The following TMEM74 variants were observed in gnomAD, a reference collection of about 807,000 sequenced individuals.
TMEM74 encodes transmembrane protein 74.
A neutral mutation model predicts 18.1 loss-of-function variants in TMEM74; 13 were observed. That is an observed-to-expected ratio of 0.72 (90% CI 0.47 to 1.14). The LOEUF is 1.14. TMEM74 is among the 50% of genes most tolerant of loss of function. The probability of loss-of-function intolerance (pLI) is 0.00; values close to 1 mark genes in which losing one functional copy is unlikely to be tolerated. For synonymous variants in TMEM74, 159 were observed against 146.6 expected (o/e 1.08, Z -0.61); for missense variants, 372 against 375.9 (o/e 0.99, Z 0.09).
intron 1 of TMEM74, among the ~76,000 whole-genome samples, chr8:108,763,428 CGT>C (rs754890454): frequency 2.6e-5 from 4 of 151,930 alleles, no homozygotes; most frequent in Non-Finnish European, 5.9e-5. Context: ...GCATAGTACT[CGT>C]ATGTTTAAAA....
rs114952195 is a variant in TMEM74 at position 108,647,812 on chromosome 8, G to A, written n.264+7481C>T. On this transcript the variant is annotated intron_variant and non_coding_transcript_variant, in intron 2 of 3. Coordinates refer to the TMEM74 transcript ENST00000518838. ...TAAACAGGTGATTTCAATATAGAGC[G>A]CTAAGTGCTATATTAGGGGTAAGTA... is the stretch of plus-strand genomic sequence containing the variant. 6.6e-3 allele frequency among the ~76,000 whole-genome samples: 999 copies of A among 152,158 alleles called. 14 individuals are homozygous for A. Among genetic ancestry groups the A allele is most frequent in the African/African-American group, 0.022 (899 of 41,528 alleles).
rs113329702 is a variant in TMEM74, at chr8:108,759,541, T to C, written n.119+27935A>G. On this transcript the variant is annotated intron_variant and non_coding_transcript_variant, in intron 1 of 3. Transcript: ENST00000518838. ...ATGTCCATAAAGTGAATATGCAAAA[T>C]GAATGGGGTAGCTCTCTAATGGCTG... is the stretch of plus-strand genomic sequence containing the variant. 6.6e-3 allele frequency among the ~76,000 whole-genome samples: 1,002 copies of C among 152,076 alleles called. 7 individuals carry two copies. The highest frequency in any genetic ancestry group is 0.023 in the African/African-American group (952 of 41,534).
intron 1 of TMEM74, among the ~76,000 whole-genome samples, chr8:108,727,299 GAC>G (rs1813648673): frequency 6.6e-6 from 1 of 152,250 alleles, no homozygotes; most frequent in South Asian, 2.1e-4. Context: ...TAATTGCAAA[GAC>G]AGAAAACAGG....
intron 1 of TMEM74, among the ~76,000 whole-genome samples, chr8:108,683,185 T>C (rs1014974610): frequency 1.3e-5 from 2 of 151,926 alleles, no homozygotes; most frequent in East Asian, 3.9e-4. Context: ...CTCAAAATGA[T>C]TTATAAGCCA....
chr8:108,671,717 C>A (rs1810840040), intron 1 of TMEM74, among the ~76,000 whole-genome samples: 1 of 151,780 alleles, frequency 6.6e-6, no homozygotes, highest in Non-Finnish European at 1.5e-5. Flanking sequence ...TCAGGGACCA[C>A]AAATGGAGGG....
intron 1 of TMEM74, among the ~76,000 whole-genome samples, 161 bp downstream of exon 1, chr8:108,787,315 T>C (rs926486139): frequency 1.3e-5 from 2 of 152,114 alleles, no homozygotes; most frequent in Admixed American, 6.5e-5. Flanking sequence ...CCATTTCTGG[T>C]GAACTCTGCG....
At chr8:108,719,879 G>C (rs1180382097) in intron 1 of TMEM74, among the ~76,000 whole-genome samples, 1 of 152,066 alleles carries the variant, frequency 6.6e-6, no homozygotes, top group African/African-American at 2.4e-5. Flanking sequence ...CACTTTATAT[G>C]TGTAAACACT....
At chr8:108,639,590 AT>A (rs1812642505) in intron 2 of TMEM74, among the ~76,000 whole-genome samples, 1 of 152,134 alleles carries the variant, frequency 6.6e-6, no homozygotes, top group African/African-American at 2.4e-5. Context: ...TGATTAGTTA[AT>A]TTTACATGGG....
At position 108,688,141 on chromosome 8, in the gene TMEM74, C is replaced by T. The variant is rs552943284; in HGVS notation, n.120-32704G>A. 2.7e-3 allele frequency among the ~76,000 whole-genome samples: 407 copies of T among 152,212 alleles called. 3 individuals carry two copies. Among genetic ancestry groups the T allele is most frequent in the Non-Finnish European group, 4.7e-3 (319 of 68,022 alleles). On this transcript the variant is annotated intron_variant and non_coding_transcript_variant, in intron 1 of 3. Coordinates refer to the TMEM74 transcript ENST00000518838. ...TCAGTTTAGCAAAACTTAAAGAGAT[C>T]GATAATGGCCAATGCTGACTGGTAT...
rs749334397 is a variant in TMEM74, at chr8:108,784,471, CCA to C, written c.626_627del (p.Val209GlyfsTer79). 1 of 1,614,146 alleles carries C rather than the reference CCA, an allele frequency of 6.2e-7. No individual in the cohort carries two copies. The highest frequency in any genetic ancestry group is 1.1e-5 in the South Asian group (1 of 91,082). On this transcript the variant is annotated frameshift_variant, in exon 2 of 2. Coordinates refer to ENST00000297459, the MANE Select transcript of TMEM74 (RefSeq NM_153015.3). LOFTEE classifies it high-confidence loss of function. ...TCCAGGCGCTCCATCTCCCGGGCTG[CCA>C]CAGTGTTGGGGTCCACAGTCACTTC... is the stretch of plus-strand genomic sequence containing the variant. ...PREVTVDPNT[V>X]AAREMERLEK...
chr8:108,755,843 A>T (rs74503119), intron 1 of TMEM74, among the ~76,000 whole-genome samples: 8,639 of 152,148 alleles, frequency 0.057, 334 homozygotes, highest in East Asian at 0.13. Flanking sequence ...TGCCATATTA[A>T]AATTAACTTA....
Position 108,722,427 on chromosome 8 carries a change from A to G in TMEM74, n.119+65049T>C, listed in dbSNP as rs7846249. ...GAACAACTTGAAGACAGGAATGTTAAGACTGAACACTGACCAAAACTTTGC... is the reference window on the plus strand; with the variant it reads ...GAACAACTTGAAGACAGGAATGTTAGGACTGAACACTGACCAAAACTTTGC... On this transcript the variant is annotated intron_variant and non_coding_transcript_variant, in intron 1 of 3. Coordinates refer to the TMEM74 transcript ENST00000518838. 4.0e-3 allele frequency among the ~76,000 whole-genome samples: 616 copies of G among 152,318 alleles called. 3 individuals are homozygous for G. The highest frequency in any genetic ancestry group is 0.014 in the African/African-American group (588 of 41,566).
At chr8:108,703,474 A>G (rs1419992484) in intron 1 of TMEM74, among the ~76,000 whole-genome samples, 3 of 152,182 alleles carry the variant, frequency 2.0e-5, no homozygotes, top group Non-Finnish European at 4.4e-5. Flanking sequence ...AAGTGTTTGA[A>G]ACATTTAAGT....
At chr8:108,774,442 C>T (rs1370988271), downstream of TMEM74, among the ~76,000 whole-genome samples, 2 of 152,184 alleles carry the variant, frequency 1.3e-5, no homozygotes, top group Admixed American at 6.5e-5. Flanking sequence ...AGACAGCCCC[C>T]CAAACCAGGC....
At chr8:108,635,136 A>G (rs941358199) in intron 2 of TMEM74, among the ~76,000 whole-genome samples, 2 of 151,856 alleles carry the variant, frequency 1.3e-5, no homozygotes, top group Non-Finnish European at 2.9e-5. Flanking sequence ...TCTCTCCTGT[A>G]TCTGTTAAAA....
intron 1 of TMEM74, among the ~76,000 whole-genome samples, chr8:108,671,527 C>T (rs1813005080): frequency 1.3e-5 from 2 of 152,150 alleles, no homozygotes; most frequent in East Asian, 3.9e-4. Context: ...GTTTTCACAA[C>T]TCAGGAAGCT....
intron 1 of TMEM74, among the ~76,000 whole-genome samples, chr8:108,697,815 C>T (rs1227435578): frequency 6.6e-6 from 1 of 151,940 alleles, no homozygotes; most frequent in East Asian, 1.9e-4. Context: ...GTCTACTGAT[C>T]CTCTTTATTT....
chr8:108,690,382 T>G (rs889567805), intron 1 of TMEM74, among the ~76,000 whole-genome samples: 3 of 141,726 alleles, frequency 2.1e-5, no homozygotes, highest in Non-Finnish European at 4.7e-5. Context: ...ACTGTTTTTT[T>G]TTGTTTGTTT....
At chr8:108,749,492 AT>A (rs1813883752) in intron 1 of TMEM74, among the ~76,000 whole-genome samples, 1 of 152,166 alleles carries the variant, frequency 6.6e-6, no homozygotes, top group South Asian at 2.1e-4. Flanking sequence ...ATTTTTTCAC[AT>A]TGATTTTATA....
Sources: allele counts gnomAD v4.1 joint callset (sites outside exome capture counted in the v4.1 genomes callset), GRCh38; gene constraint gnomAD v4.1.1; transcripts MANE v1.5; gene names NCBI Gene and HGNC (gene_info 2026-07-23, HGNC 2026-07-21).